Variants in DOCK4 observed in about 807,000 individuals in gnomAD.
DOCK4 encodes dedicator of cytokinesis 4.
Under a neutral mutation model 268.1 loss-of-function variants are expected in DOCK4, and 97 were observed. That is an observed-to-expected ratio of 0.36 (90% CI 0.31 to 0.43). The LOEUF (loss-of-function observed/expected upper bound fraction) is 0.43. Among genes scored for constraint, DOCK4 ranks in the 20% least tolerant of loss-of-function variants. The pLI, the probability that DOCK4 is intolerant of heterozygous loss-of-function variation, is 1.00. For missense variants in DOCK4, 2,145 were observed against 2,455.7 expected (o/e 0.87, Z 2.67); for synonymous variants, 954 against 887.2 (o/e 1.08, Z -1.34).
chr7:112,188,289 A>G (rs1051434722), intron 1 of DOCK4, among the ~76,000 whole-genome samples: 2 of 152,254 alleles, frequency 1.3e-5, no homozygotes, highest in African/African-American at 4.8e-5. Context: ...AATGACATCT[A>G]GTCAGAGTGC....
chr7:112,106,530 G>T (rs1811159644), intron 1 of DOCK4, among the ~76,000 whole-genome samples: 1 of 152,230 alleles, frequency 6.6e-6, no homozygotes, highest in African/African-American at 2.4e-5. Context: ...ACACCACGGT[G>T]GATGGCAGAA....
chr7:112,194,229 T>C (rs917849690), intron 1 of DOCK4, among the ~76,000 whole-genome samples: 2 of 152,232 alleles, frequency 1.3e-5, no homozygotes, highest in African/African-American at 4.8e-5. Flanking sequence ...GCACAAATTA[T>C]CCCTGGGTCC....
intron 20 of DOCK4, among the ~76,000 whole-genome samples, chr7:111,871,429 A>C (rs1806422760): frequency 6.6e-6 from 1 of 152,232 alleles, no homozygotes; most frequent in Non-Finnish European, 1.5e-5. Flanking sequence ...GTAGAAAAGG[A>C]GGAGCAGTTA....
At chr7:111,954,552 C>T (rs1381131825) in intron 8 of DOCK4, among the ~76,000 whole-genome samples, 1 of 152,118 alleles carries the variant, frequency 6.6e-6, no homozygotes, top group Admixed American at 6.6e-5. Context: ...CAGGCCCAGT[C>T]CCAAGGCGCA....
intron 1 of DOCK4, among the ~76,000 whole-genome samples, chr7:112,170,946 T>G (rs62475998): frequency 0.02 from 3,029 of 152,250 alleles, 36 homozygotes; most frequent in Middle Eastern, 0.048. Context: ...TCAAATATAA[T>G]CCAGCAATGT....
chr7:112,059,059 G>A (rs1160528946), intron 1 of DOCK4, among the ~76,000 whole-genome samples: 4 of 151,260 alleles, frequency 2.6e-5, no homozygotes, highest in Non-Finnish European at 5.9e-5. Flanking sequence ...GAAATTCAGA[G>A]GCAAATGAAG....
intron 1 of DOCK4, among the ~76,000 whole-genome samples, chr7:112,141,380 G>A (rs80227508): frequency 0.039 from 5,890 of 152,190 alleles, 181 homozygotes; most frequent in African/African-American, 0.086. Flanking sequence ...AACACTAATC[G>A]GGGTATTGCT....
intron 16 of DOCK4, among the ~76,000 whole-genome samples, chr7:111,886,564 GACC>G (rs1218106174): frequency 6.6e-6 from 1 of 152,108 alleles, no homozygotes; most frequent in Non-Finnish European, 1.5e-5. Context: ...AGGACTATTT[GACC>G]TCAGTTGTAA....
At chr7:111,739,553 C>G in intron 47 of DOCK4, 76 bp from the exon 48 acceptor site, 1 of 1,304,910 alleles carries the variant, frequency 7.7e-7, no homozygotes, top group East Asian at 2.5e-5. Context: ...GAAACAAAAT[C>G]ATCAACTTTT....
chr7:111,981,242 T>C lies in DOCK4; in HGVS notation c.549+3064A>G, dbSNP rs113177942. Among the ~76,000 whole-genome samples, 645 of 152,288 alleles carry C rather than the reference T, an allele frequency of 4.2e-3. 5 individuals are homozygous for C. Among genetic ancestry groups the C allele is most frequent in the African/African-American group, 0.014 (597 of 41,566 alleles). On this transcript the variant is annotated intron_variant, in intron 7 of 52. Coordinates refer to ENST00000428084, the MANE Select transcript of DOCK4 (RefSeq NM_001363540.2). ...GTCCTTGACCCAAAGTGACAATAAATTGCCAAACAACAACAAGGGATTGGT... is the reference window on the plus strand; with the variant it reads ...GTCCTTGACCCAAAGTGACAATAAACTGCCAAACAACAACAAGGGATTGGT...
At chr7:111,846,257 G>A (rs1440942291) in intron 24 of DOCK4, among the ~76,000 whole-genome samples, 1 of 152,138 alleles carries the variant, frequency 6.6e-6, no homozygotes, top group Non-Finnish European at 1.5e-5. Flanking sequence ...GCCAAACTCC[G>A]CTCCATAAAA....
chr7:112,198,685 A>T (rs944196201), intron 1 of DOCK4, among the ~76,000 whole-genome samples: 2 of 152,200 alleles, frequency 1.3e-5, no homozygotes, highest in South Asian at 4.1e-4. Flanking sequence ...CAGATTTTTT[A>T]AAAAAGAACT....
In DOCK4 at chr7:111,769,511, C is replaced by G; in HGVS notation, c.3828+18G>C. ...CCATCACCCCAGGAGGGACCCCGGG[C>G]GGGGCAGGGCCACTTACTTTGCCTC... On this transcript the variant is annotated intron_variant, in intron 37 of 52. Coordinates refer to ENST00000428084, the MANE Select transcript of DOCK4 (RefSeq NM_001363540.2). 4.3e-6 allele frequency: 7 copies of G among 1,612,750 alleles called. No individual in the cohort carries two copies. Among genetic ancestry groups the G allele is most frequent in the South Asian group, 2.2e-5 (2 of 91,022 alleles).
chr7:111,897,539 T>C (rs1808858031), intron 15 of DOCK4, among the ~76,000 whole-genome samples: 1 of 152,176 alleles, frequency 6.6e-6, no homozygotes, highest in African/African-American at 2.4e-5. Flanking sequence ...TGGATCATAC[T>C]GGCCCGTAAG....
At chr7:112,014,248 G>C (rs1801614865) in intron 1 of DOCK4, among the ~76,000 whole-genome samples, 1 of 152,156 alleles carries the variant, frequency 6.6e-6, no homozygotes, top group South Asian at 2.1e-4. Context: ...TTGTCACTTG[G>C]TCATTCAATT....
At chr7:111,917,154 A>G (rs1562883965) in intron 12 of DOCK4, among the ~76,000 whole-genome samples, 1 of 151,644 alleles carries the variant, frequency 6.6e-6, no homozygotes, top group East Asian at 2.0e-4. Flanking sequence ...CACCCAGCTA[A>G]TTTTTGTGTT....
At chr7:111,988,288 C>T (rs767781301) in intron 6 of DOCK4, among the ~76,000 whole-genome samples, 9 of 152,296 alleles carry the variant, frequency 5.9e-5, no homozygotes, top group Admixed American at 3.3e-4. Flanking sequence ...CTAAACCTCA[C>T]GCAACCCTAG....
intron 1 of DOCK4, among the ~76,000 whole-genome samples, chr7:112,038,127 G>A (rs572835104): frequency 3.9e-5 from 6 of 152,100 alleles, no homozygotes; most frequent in African/African-American, 9.7e-5. Context: ...CCTTCTATCC[G>A]TATATTTGAA....
chr7:111,741,564 C>T lies in DOCK4; in HGVS notation c.4895G>A (p.Gly1632Asp), dbSNP rs1262712751. 6.2e-7 allele frequency: 1 copy of T among 1,613,434 alleles called. No homozygotes were observed. Among genetic ancestry groups the T allele is most frequent in the Non-Finnish European group, 8.5e-7 (1 of 1,179,700 alleles). Reference sequence around the variant, plus strand: ...CCTGCGTCTAGGAATTACCCTGGTACCATCTGGGCTCACAGAAGCAGGTGC... The same window carrying T: ...CCTGCGTCTAGGAATTACCCTGGTATCATCTGGGCTCACAGAAGCAGGTGC... Reference protein sequence around the residue: ...NSAPASVSPDGTRVIPRRSPL... With the variant: ...NSAPASVSPDDTRVIPRRSPL... Residue 1632 changes from glycine (G) to aspartate (D), a missense_variant, in exon 46 of 53, where the codon GGT becomes GAT. Around this residue, in one of 2 missense-constraint regions of DOCK4, gnomAD observed 547 missense variants for 469.0 expected, o/e 1.17. Coordinates refer to ENST00000428084, the MANE Select transcript of DOCK4 (RefSeq NM_001363540.2).
Sources: allele counts gnomAD v4.1 joint callset (sites outside exome capture counted in the v4.1 genomes callset), GRCh38; gene constraint gnomAD v4.1.1; regional missense constraint gnomAD v4.1.1; transcripts MANE v1.5; gene names NCBI Gene and HGNC (gene_info 2026-07-23, HGNC 2026-07-21).